The following ENTHD1 variants were observed in gnomAD, a reference collection of about 807,000 sequenced individuals.
The protein encoded by ENTHD1 is ENTH domain containing 1.
A neutral mutation model predicts 39.1 loss-of-function variants in ENTHD1; 23 were observed. The observed-to-expected ratio is 0.59, with a 90% CI of 0.42 to 0.83. The LOEUF (loss-of-function observed/expected upper bound fraction) is 0.83, where lower values mean the gene tolerates loss of function less well. Ranked by LOEUF, ENTHD1 falls within the 40% of genes least tolerant of loss-of-function variation. ENTHD1 has a pLI of 0.00. For missense variants in ENTHD1, 624 were observed against 705.4 expected, an observed-to-expected ratio of 0.88 and a Z score of 1.31; for synonymous variants, 230 against 258.2, an observed-to-expected ratio of 0.89 and a Z score of 1.05.
intron 5 of ENTHD1, among the ~76,000 whole-genome samples, chr22:39,817,862 C>T (rs1161882107): frequency 6.6e-6 from 1 of 152,054 alleles, no homozygotes; most frequent in African/African-American, 2.4e-5. Flanking sequence ...AGGATTTTGT[C>T]AAGGATTTAT....
intron 4 of ENTHD1, among the ~76,000 whole-genome samples, chr22:39,831,229 C>A (rs1421668891): frequency 6.6e-6 from 1 of 152,148 alleles, no homozygotes; most frequent in African/African-American, 2.4e-5. Flanking sequence ...GGTGAGAGAA[C>A]ACAAACCTCT....
At chr22:39,843,262 A>G (rs916718433) in intron 3 of ENTHD1, among the ~76,000 whole-genome samples, 11 of 152,116 alleles carry the variant, frequency 7.2e-5, no homozygotes, top group Non-Finnish European at 2.9e-5. Flanking sequence ...CATATACACC[A>G]TGGAATACTA....
intron 6 of ENTHD1, among the ~76,000 whole-genome samples, chr22:39,747,967 G>A (rs2065118888): frequency 6.6e-6 from 1 of 152,050 alleles, no homozygotes; most frequent in African/African-American, 2.4e-5. Context: ...TCTAGGACCC[G>A]GCTGGGCATG....
intron 5 of ENTHD1, among the ~76,000 whole-genome samples, chr22:39,769,213 G>T (rs142252182): frequency 1.6e-4 from 25 of 152,226 alleles, no homozygotes; most frequent in African/African-American, 5.5e-4. Context: ...ATAAATGAAT[G>T]AACATGAATA....
intron 2 of ENTHD1, among the ~76,000 whole-genome samples, chr22:39,873,440 C>T (rs2066260377): frequency 6.6e-6 from 1 of 151,884 alleles, no homozygotes; most frequent in Non-Finnish European, 1.5e-5. Flanking sequence ...CAGTGAAACC[C>T]CATTTGGATA....
At chr22:39,829,480 A>G (rs1569158147) in intron 4 of ENTHD1, among the ~76,000 whole-genome samples, 1 of 151,964 alleles carries the variant, frequency 6.6e-6, no homozygotes, top group Non-Finnish European at 1.5e-5. Context: ...AAATAGGCTG[A>G]TCTCAAATTT....
At chr22:39,855,070 G>A (rs1204723613) in intron 3 of ENTHD1, among the ~76,000 whole-genome samples, 1 of 152,104 alleles carries the variant, frequency 6.6e-6, no homozygotes, top group Admixed American at 6.5e-5. Flanking sequence ...ATAACCCTAG[G>A]AGCAGGTCCT....
chr22:39,796,216 C>G (rs1243423015), intron 5 of ENTHD1, among the ~76,000 whole-genome samples: 1 of 152,040 alleles, frequency 6.6e-6, no homozygotes, highest in Admixed American at 6.5e-5. Flanking sequence ...CCTCTTACTA[C>G]TGCTTTTGCT....
intron 3 of ENTHD1, among the ~76,000 whole-genome samples, chr22:39,848,129 T>C (rs1809645367): frequency 6.6e-6 from 1 of 152,182 alleles, no homozygotes; most frequent in South Asian, 2.1e-4. Context: ...GCCACTTGCA[T>C]CCCTTATTAC....
intron 2 of ENTHD1, among the ~76,000 whole-genome samples, chr22:39,870,277 G>C (rs1467839505): frequency 6.6e-6 from 1 of 151,916 alleles, no homozygotes; most frequent in African/African-American, 2.4e-5. Flanking sequence ...CCAAAGTGAT[G>C]GGATTACAGG....
At position 39,822,334 on chromosome 22, in the gene ENTHD1, A is replaced by G. The variant is rs1447142489; in HGVS notation, c.712-1221T>C. 2.0e-5 allele frequency among the ~76,000 whole-genome samples: 3 copies of G among 152,170 alleles called. No individual in the cohort carries two copies. The South Asian group carries it at 6.2e-4, about 32-fold the overall frequency. ...TATAGTAACCACATTTCCTGCACCC[A>G]GAAAGTTTCCTCAAGCTCCTTTCCA... On this transcript the variant is annotated intron_variant, in intron 4 of 6. Coordinates refer to ENST00000325157, the MANE Select transcript of ENTHD1 (RefSeq NM_152512.4).
At chr22:39,823,512 A>AT (rs1265258185) in intron 4 of ENTHD1, among the ~76,000 whole-genome samples, 1 of 151,362 alleles carries the variant, frequency 6.6e-6, no homozygotes, top group South Asian at 2.1e-4. Context: ...GCCCGACTAA[A>AT]TTTTTTTTAA....
intron 6 of ENTHD1, among the ~76,000 whole-genome samples, chr22:39,762,723 G>A (rs561735875): frequency 6.6e-6 from 1 of 152,204 alleles, no homozygotes; most frequent in South Asian, 2.1e-4. Context: ...AAAGTGCTGG[G>A]ATTACAGGCA....
At chr22:39,775,594 T>C (rs1329474070) in intron 5 of ENTHD1, among the ~76,000 whole-genome samples, 1 of 152,220 alleles carries the variant, frequency 6.6e-6, no homozygotes, top group Non-Finnish European at 1.5e-5. Flanking sequence ...CAGGTTTTTC[T>C]TTACTAACAA....
chr22:39,821,921 A>G (rs2065785930), intron 4 of ENTHD1, among the ~76,000 whole-genome samples: 1 of 152,180 alleles, frequency 6.6e-6, no homozygotes, highest in South Asian at 2.1e-4. Flanking sequence ...CTTATGACCT[A>G]GTCACCTCCC....
chr22:39,789,742 C>G (rs1261215115), intron 5 of ENTHD1, among the ~76,000 whole-genome samples: 4 of 151,770 alleles, frequency 2.6e-5, no homozygotes, highest in African/African-American at 4.8e-5. Flanking sequence ...AACAACTGAA[C>G]AAGTATTTAT....
chr22:39,872,952 C>A (rs2066256203), intron 2 of ENTHD1, among the ~76,000 whole-genome samples: 1 of 151,732 alleles, frequency 6.6e-6, no homozygotes, highest in Admixed American at 6.6e-5. Flanking sequence ...ACCTCAGCCC[C>A]CCATCAGCCA....
intron 4 of ENTHD1, among the ~76,000 whole-genome samples, chr22:39,834,801 T>C (rs2065895609): frequency 6.6e-6 from 1 of 152,202 alleles, no homozygotes; most frequent in Admixed American, 6.5e-5. Flanking sequence ...CAAAAAGGGA[T>C]GCATTACTGA....
At chr22:39,793,021 A>G (rs1433597892) in intron 5 of ENTHD1, among the ~76,000 whole-genome samples, 1 of 152,196 alleles carries the variant, frequency 6.6e-6, no homozygotes, top group African/African-American at 2.4e-5. Flanking sequence ...AATTTTCCAT[A>G]ATGGCTGTAC....
Sources: allele counts gnomAD v4.1 joint callset (sites outside exome capture counted in the v4.1 genomes callset), GRCh38; gene constraint gnomAD v4.1.1; transcripts MANE v1.5; gene names NCBI Gene and HGNC (gene_info 2026-07-23, HGNC 2026-07-21).